TOX2: variants seen among roughly 807,000 people sequenced by gnomAD.
TOX2 encodes the protein TOX high mobility group box family member 2.
In TOX2, 15 loss-of-function variants were observed where a neutral mutation model predicts 47.4. The observed-to-expected ratio is 0.32, with a 90% CI of 0.21 to 0.49. TOX2 has a LOEUF of 0.49. Ranked by LOEUF, TOX2 falls within the 20% of genes least tolerant of loss-of-function variation. The pLI, the probability that TOX2 is intolerant of heterozygous loss-of-function variation, is 0.99. For missense variants in TOX2, 622 were observed against 673.1 expected, an observed-to-expected ratio of 0.92 and a Z score of 0.84; for synonymous variants, 290 against 296.6, an observed-to-expected ratio of 0.98 and a Z score of 0.23.
intron 3 of TOX2, among the ~76,000 whole-genome samples, chr20:44,014,351 C>A (rs2070837180): frequency 2.0e-5 from 3 of 152,106 alleles, no homozygotes; most frequent in African/African-American, 7.2e-5. Flanking sequence ...GAAATAGATC[C>A]TACCTCTTGA....
At chr20:43,944,379 G>C (rs559411838) in intron 1 of TOX2, among the ~76,000 whole-genome samples, 4 of 152,216 alleles carry the variant, frequency 2.6e-5, no homozygotes, top group African/African-American at 9.6e-5. Flanking sequence ...GATTAGAGGA[G>C]CTCTCTTTGG....
chr20:44,051,607 T>A, intron 4 of TOX2, 62 bp downstream of exon 4: 1 of 1,516,736 alleles, frequency 6.6e-7, no homozygotes, highest in Non-Finnish European at 8.8e-7. Flanking sequence ...AGGGGTCCTG[T>A]GGGGAAATGG....
intron 1 of TOX2, among the ~76,000 whole-genome samples, chr20:43,937,170 G>T (rs1435986369): frequency 2.6e-5 from 4 of 152,198 alleles, no homozygotes; most frequent in African/African-American, 7.2e-5. Context: ...CACGGGGGAA[G>T]CATTCCAGGC....
chr20:43,967,453 C>A (rs1390910193), intron 1 of TOX2, among the ~76,000 whole-genome samples: 4 of 152,132 alleles, frequency 2.6e-5, no homozygotes, highest in Non-Finnish European at 5.9e-5. Flanking sequence ...CACCCAACCA[C>A]TCAACCCATT....
chr20:44,045,977 G>A (rs573366216), intron 3 of TOX2, among the ~76,000 whole-genome samples: 3 of 152,196 alleles, frequency 2.0e-5, no homozygotes, highest in Non-Finnish European at 4.4e-5. Context: ...GGTGGGAAGA[G>A]GAGAATGTTT....
At chr20:43,992,287 C>T (rs182777110) in intron 2 of TOX2, among the ~76,000 whole-genome samples, 17 of 152,236 alleles carry the variant, frequency 1.1e-4, no homozygotes, top group East Asian at 1.9e-4. Flanking sequence ...CTCCCAACCA[C>T]GTGTGGCATG....
At chr20:44,026,426 G>C (rs1468919703) in intron 3 of TOX2, among the ~76,000 whole-genome samples, 1 of 151,096 alleles carries the variant, frequency 6.6e-6, no homozygotes, top group Non-Finnish European at 1.5e-5. Flanking sequence ...AGGATGCAAA[G>C]ACATAAGAAT....
At chr20:43,998,192 T>G (rs538904122) in intron 2 of TOX2, among the ~76,000 whole-genome samples, 285 of 152,304 alleles carry the variant, frequency 1.9e-3, no homozygotes, top group Non-Finnish European at 3.3e-3. Context: ...AGAACTTACT[T>G]ACTGTCACGA....
At chr20:44,039,825 T>C (rs1164747549) in intron 3 of TOX2, among the ~76,000 whole-genome samples, 2 of 152,178 alleles carry the variant, frequency 1.3e-5, no homozygotes, top group Non-Finnish European at 2.9e-5. Context: ...CTGAGGGTCA[T>C]TCCTGGGGCC....
chr20:44,021,899 G>T (rs535893162), intron 3 of TOX2, among the ~76,000 whole-genome samples: 4 of 151,862 alleles, frequency 2.6e-5, no homozygotes, highest in Admixed American at 1.3e-4. Context: ...GCCTCCCAAA[G>T]TGTTGGGATT....
chr20:44,067,266 G>C (rs184973939), intron 8 of TOX2, among the ~76,000 whole-genome samples: 1 of 152,118 alleles, frequency 6.6e-6, no homozygotes, highest in Non-Finnish European at 1.5e-5. Flanking sequence ...GGCAGGACAG[G>C]GTGGGGGAAG....
chr20:43,941,169 G>A (rs971791563), intron 1 of TOX2, among the ~76,000 whole-genome samples: 11 of 152,266 alleles, frequency 7.2e-5, no homozygotes, highest in African/African-American at 2.4e-4. Flanking sequence ...AGGGAAGGGG[G>A]CGTGGAAGCT....
chr20:43,960,502 G>T (rs1350050111), intron 1 of TOX2, among the ~76,000 whole-genome samples: 1 of 152,226 alleles, frequency 6.6e-6, no homozygotes, highest in Non-Finnish European at 1.5e-5. Context: ...CTTGGGACAG[G>T]TGGAGGCCTC....
chr20:44,008,418 G>A (rs1056315438), intron 3 of TOX2, among the ~76,000 whole-genome samples: 3 of 152,002 alleles, frequency 2.0e-5, no homozygotes, highest in African/African-American at 7.3e-5. Context: ...AAATTAGCCA[G>A]GCATAGTGGC....
intron 1 of TOX2, among the ~76,000 whole-genome samples, chr20:43,945,030 G>A (rs1600668534): frequency 6.6e-6 from 1 of 152,214 alleles, no homozygotes; most frequent in East Asian, 1.9e-4. Flanking sequence ...CCCGATCAAG[G>A]CTTGTGGTGG....
At position 43,957,568 on chromosome 20, in the gene TOX2, T is replaced by TTTG. The variant is rs66636132; in HGVS notation, c.100-15797_100-15796insGTT. 6.3e-3 allele frequency among the ~76,000 whole-genome samples: 572 copies of TTTG among 90,916 alleles called. 3 individuals are homozygous for TTTG. Among genetic ancestry groups the TTTG allele is most frequent in the African/African-American group, 0.02 (390 of 19,194 alleles). 59.6% of individuals were successfully genotyped at this position (90,916 alleles called of 152,430 possible). A position where few individuals can be genotyped will look rare whatever the true frequency, so the allele number is the denominator to read the frequency against. On this transcript the variant is annotated intron_variant, in intron 1 of 8. Coordinates refer to ENST00000341197, the MANE Select transcript of TOX2 (RefSeq NM_001098797.2). ...TACCTGGCATAAAGTAAATGCCCTC[T>TTTG]TTTTTTTTTTTTTTTTTTTGGCTTA...
intron 1 of TOX2, among the ~76,000 whole-genome samples, chr20:43,966,335 TA>T (rs2069853015): frequency 6.6e-6 from 1 of 152,174 alleles, no homozygotes; most frequent in African/African-American, 2.4e-5. Flanking sequence ...TATGGGTTTA[TA>T]AAAGCAAGCA....
intron 3 of TOX2, among the ~76,000 whole-genome samples, chr20:44,030,733 T>G (rs558681062): frequency 6.6e-6 from 1 of 152,306 alleles, no homozygotes; most frequent in African/African-American, 2.4e-5. Flanking sequence ...GCCTGGCATA[T>G]AGCAGATAGT....
chr20:44,014,128 CAAAAAAAAAA>C lies in TOX2; in HGVS notation c.411+7354_411+7363del, dbSNP rs55721806. The stretch of plus-strand genomic sequence containing the variant: ...CGTGGGTGACAGAGTGAGACTATCT[CAAAAAAAAAA>C]AAAAAAAAAAAAAAAAAGGAAAAGA... On this transcript the variant is annotated intron_variant, in intron 3 of 8. Transcript: ENST00000341197. 1.3e-4 allele frequency among the ~76,000 whole-genome samples: 7 copies of C among 53,580 alleles called. No individual in the cohort carries two copies. In the East Asian group the frequency reaches 2.1e-3, roughly 16 times the overall value. The allele number at this position is 53,580 out of a possible 152,430, so 35.2% of individuals were successfully genotyped here. A position where few individuals can be genotyped will look rare whatever the true frequency, so the allele number is the denominator to read the frequency against.
Sources: gnomAD v4.1 joint callset for allele counts (sites outside exome capture counted in the v4.1 genomes callset) on GRCh38, gnomAD v4.1.1 for gene constraint, MANE v1.5 for transcripts, NCBI Gene and HGNC (gene_info 2026-07-23, HGNC 2026-07-21) for gene names.